SPG11: variants seen among roughly 807,000 people sequenced by gnomAD.
SPG11 encodes spatacsin.
SPG11 carries 222 observed loss-of-function variants against 274.0 expected under a neutral mutation model. The ratio of observed to expected loss-of-function variants is 0.81; its 90% CI spans 0.73 to 0.91. The LOEUF is 0.91. SPG11 is among the 40% of genes least tolerant of loss of function. The pLI, the probability that SPG11 is intolerant of heterozygous loss-of-function variation, is 0.00. For synonymous variants in SPG11, 1,144 were observed against 1,039.7 expected (o/e 1.10, Z -1.93); for missense variants, 3,114 against 2,872.7 (o/e 1.08, Z -1.92).
chr15:44,635,400 C>A (rs1003193774), intron 7 of SPG11, among the ~76,000 whole-genome samples: 1 of 151,564 alleles, frequency 6.6e-6, no homozygotes, highest in African/African-American at 2.4e-5. Context: ...CATAGTGAGA[C>A]CTTGTTTCTA....
intron 7 of SPG11, among the ~76,000 whole-genome samples, chr15:44,640,652 C>G (rs1443833534): frequency 6.6e-6 from 1 of 152,254 alleles, no homozygotes; most frequent in Middle Eastern, 3.4e-3. Context: ...ATAGAGAGGT[C>G]AAAAACAAAT....
intron 39 of SPG11, among the ~76,000 whole-genome samples, 179 bp downstream of exon 39, chr15:44,564,368 G>A (rs1261040168): frequency 6.6e-6 from 1 of 152,178 alleles, no homozygotes; most frequent in African/African-American, 2.4e-5. Context: ...AACTGTTCTT[G>A]TTGATCTCTT....
chr15:44,651,883 T>G lies in SPG11; in HGVS notation c.1064A>C (p.Glu355Ala). 1.2e-6 allele frequency: 2 copies of G among 1,613,196 alleles called. No homozygotes were observed. Among genetic ancestry groups the G allele is most frequent in the Non-Finnish European group, 8.5e-7 (1 of 1,179,630 alleles). The part of the protein sequence containing the change: ...LNETIKNSKL[E>A]VSCCAPWFQD... The stretch of plus-strand genomic sequence containing the variant: ...GAACCATGGAGCACAACAGGAAACC[T>G]CCAGTTTGGAGTTCTTTATTGTTTC... Residue 355 changes from glutamate (E) to alanine (A), a missense_variant, in exon 6 of 40, where the codon GAG becomes GCG. Physicochemically the swap from Glu to Ala is moderately radical, Grantham distance 107. Coordinates refer to ENST00000261866, the MANE Select transcript of SPG11 (RefSeq NM_025137.4).
At chr15:44,572,481 T>A in intron 33 of SPG11, 1 of 594,492 alleles carries the variant, frequency 1.7e-6, no homozygotes, top group South Asian at 2.0e-5. Flanking sequence ...TTTTGTATGA[T>A]TTTAAATTTG....
At position 44,596,770 on chromosome 15, in the gene SPG11, A is replaced by G. The variant is rs2140973407; in HGVS notation, c.4161+14T>C. On this transcript the variant is annotated intron_variant, in intron 24 of 39. Coordinates refer to ENST00000261866, the MANE Select transcript of SPG11 (RefSeq NM_025137.4). ...TATTTCCTTTTGAGTGACTGCTAAC[A>G]ATTAGTGGCTTACCTCTGCTGGGTG... 2 of 1,610,452 alleles carry G rather than the reference A, an allele frequency of 1.2e-6. No homozygotes were observed. Among genetic ancestry groups the G allele is most frequent in the East Asian group, 2.2e-5 (1 of 44,574 alleles).
intron 7 of SPG11, among the ~76,000 whole-genome samples, chr15:44,646,402 A>C (rs1466420759): frequency 2.6e-5 from 4 of 152,200 alleles, no homozygotes; most frequent in Non-Finnish European, 5.9e-5. Context: ...GAAGCAAGGC[A>C]TGCCTTACAT....
intron 20 of SPG11, among the ~76,000 whole-genome samples, chr15:44,604,871 C>G (rs568160170): frequency 7.7e-6 from 1 of 129,242 alleles, no homozygotes; most frequent in South Asian, 2.5e-4. Context: ...CAACTTGCAG[C>G]GAGCCGAGAT....
At chr15:44,633,359 A>AAAAAAAAAAAAAAAAG (rs1567177921) in intron 8 of SPG11, 146 bp downstream of exon 8, 1 of 356,520 alleles carries the variant, frequency 2.8e-6, no homozygotes, top group African/African-American at 2.3e-5. Flanking sequence ...AAAAAAAAAA[A>AAAAAAAAAAAAAAAAG]AAAGAAAGTT....
Position 44,645,725 on chromosome 15 carries a change from G to A in SPG11, c.1602+3141C>T, listed in dbSNP as rs141483760. On this transcript the variant is annotated intron_variant, in intron 7 of 39. Coordinates refer to ENST00000261866, the MANE Select transcript of SPG11 (RefSeq NM_025137.4). The stretch of plus-strand genomic sequence containing the variant: ...TTTGCAAACCATGCATCTGACAAAG[G>A]TCTAATATCCAGAATCCGTAAGGAA... Among the ~76,000 whole-genome samples the A allele has an allele frequency of 8.5e-3, 1,291 of 152,174 alleles. 21 individuals carry two copies. Among genetic ancestry groups the A allele is most frequent in the African/African-American group, 0.029 (1,200 of 41,504 alleles).
Position 44,651,725 on chromosome 15 carries a change from C to T in SPG11, c.1222G>A (p.Asp408Asn), listed in dbSNP as rs1410107862. The T allele has an allele frequency of 6.2e-7, 1 of 1,614,204 alleles. No homozygotes were observed. Among genetic ancestry groups the T allele is most frequent in the Admixed American group, 1.7e-5 (1 of 60,024 alleles). The change falls in exon 6 of 40, where the codon GAT becomes AAT. Residue 408 changes from aspartate (D) to asparagine (N), a missense_variant. Physicochemically the swap from Asp to Asn is conservative, Grantham distance 23 (BLOSUM62 1). Coordinates refer to ENST00000261866, the MANE Select transcript of SPG11 (RefSeq NM_025137.4). ...VLQKDHAKTS[D>N]PGRSWKIMHI... Reference sequence around the variant, plus strand: ...ATTATTTTCCATGATCTTCCTGGATCACTGGTCTTGGCATGATCTTTCTGT... The same window carrying T: ...ATTATTTTCCATGATCTTCCTGGATTACTGGTCTTGGCATGATCTTTCTGT...
At chr15:44,648,222 GT>G (rs1214271409) in intron 7 of SPG11, among the ~76,000 whole-genome samples, 1 of 152,120 alleles carries the variant, frequency 6.6e-6, no homozygotes, top group Non-Finnish European at 1.5e-5. Context: ...GATCAGAATA[GT>G]AGGAAGCAGG....
At chr15:44,575,217 C>CTGGAAG in intron 30 of SPG11, 176 bp from the exon 31 acceptor site, 1 of 694,440 alleles carries the variant, frequency 1.4e-6, no homozygotes, top group Non-Finnish European at 2.4e-6. Context: ...TGCCCTCTTC[C>CTGGAAG]AGGAAATCCC....
In SPG11 at chr15:44,564,608, A is replaced by C; in HGVS notation, c.7090T>G (p.Leu2364Val). Residue 2364 changes from leucine (L) to valine (V), a missense_variant, in exon 39 of 40, where the codon TTG becomes GTG. Transcript: ENST00000261866. ...AACCTTTGCTGCTTAAATTCTTCCA[A>C]GTAATTAAAGTCTCCTTTAAGAATC... Reference protein sequence around the residue: ...QVILKGDFNYLEEFKQQRLLK... With the variant: ...QVILKGDFNYVEEFKQQRLLK... The C allele has an allele frequency of 6.2e-7, 1 of 1,613,936 alleles. No individual in the cohort carries two copies. The highest frequency in any genetic ancestry group is 8.5e-7 in the Non-Finnish European group (1 of 1,179,814).
chr15:44,622,191 T>C, intron 13 of SPG11, 29 bp downstream of exon 13: 7 of 1,602,618 alleles, frequency 4.4e-6, no homozygotes, highest in Non-Finnish European at 4.3e-6. Context: ...GGTATTCTAA[T>C]ATTATCAAAA....
Position 44,595,325 on chromosome 15 carries a change from G to A in SPG11, c.4569C>T (p.Ile1523=). 6.2e-7 allele frequency: 1 copy of A among 1,614,196 alleles called. No individual in the cohort carries two copies. Among genetic ancestry groups the A allele is most frequent in the Non-Finnish European group, 8.5e-7 (1 of 1,180,034 alleles). ...HTWNLEDLSV[I]WRTLLTRQKS... ...TTTGTCTTGTTAATAATGTTCTCCAGATGACTGAAAGATCCTCAAGGTTCC... is the reference window on the plus strand; with the variant it reads ...TTTGTCTTGTTAATAATGTTCTCCAAATGACTGAAAGATCCTCAAGGTTCC... The change falls in exon 26 of 40, where the codon ATC becomes ATT. Residue 1523 remains isoleucine, a synonymous_variant. Transcript: ENST00000261866.
intron 38 of SPG11, among the ~76,000 whole-genome samples, chr15:44,565,333 T>C (rs995237672): frequency 2.0e-5 from 3 of 152,306 alleles, no homozygotes; most frequent in Admixed American, 6.5e-5. Context: ...GAGGACAATT[T>C]TTCCACAGAC....
intron 3 of SPG11, among the ~76,000 whole-genome samples, chr15:44,657,518 C>T (rs1235985710): frequency 3.3e-5 from 5 of 152,170 alleles, no homozygotes; most frequent in African/African-American, 1.2e-4. Context: ...ACCTGCTGAA[C>T]ATCTGCTCTG....
intron 7 of SPG11, among the ~76,000 whole-genome samples, chr15:44,637,986 T>G (rs951249251): frequency 6.6e-6 from 1 of 152,154 alleles, no homozygotes; most frequent in Admixed American, 6.5e-5. Flanking sequence ...ATGTATGTGT[T>G]TGTGTCTTCA....
In SPG11 at chr15:44,663,635, C is replaced by A. The variant is rs1247084532; in HGVS notation, c.13G>T (p.Glu5Ter). ...GCGGAAGCAGCACTCGCGACCCCTT[C>A]CTCTGCAGCCATCTTGGCCCGGCGG... MAAE[E>*]GVASAASAGG... Residue 5 changes from glutamate to a stop codon, truncating the protein, a stop_gained, in exon 1 of 40, where the codon GAA becomes TAA. Transcript: ENST00000261866. LOFTEE classifies it high-confidence loss of function. 6.3e-7 allele frequency: 1 copy of A among 1,595,090 alleles called. No individual in the cohort carries two copies. Among genetic ancestry groups the A allele is most frequent in the Non-Finnish European group, 8.5e-7 (1 of 1,176,428 alleles).
Sources: gnomAD v4.1 joint callset for allele counts (sites outside exome capture counted in the v4.1 genomes callset) on GRCh38, gnomAD v4.1.1 for gene constraint, MANE v1.5 for transcripts, NCBI Gene and HGNC (gene_info 2026-07-23, HGNC 2026-07-21) for gene names.